MPP7: variants seen among roughly 807,000 people sequenced by gnomAD.
The protein encoded by MPP7 is MAGUK p55 subfamily member 7.
MPP7 carries 60 observed loss-of-function variants against 76.5 expected under a neutral mutation model. That is an observed-to-expected ratio of 0.78 (90% CI 0.64 to 0.97). The LOEUF (loss-of-function observed/expected upper bound fraction) is 0.97. Among genes scored for constraint, MPP7 ranks in the 50% least tolerant of loss-of-function variants. The probability of loss-of-function intolerance (pLI) is 0.00; values close to 1 mark genes in which losing one functional copy is unlikely to be tolerated. For synonymous variants in MPP7, 237 were observed against 244.5 expected, an observed-to-expected ratio of 0.97 and a Z score of 0.29; for missense variants, 641 against 694.0, an observed-to-expected ratio of 0.92 and a Z score of 0.86.
intron 11 of MPP7, among the ~76,000 whole-genome samples, chr10:28,107,728 A>G (rs550897634): frequency 2.0e-5 from 3 of 152,160 alleles, no homozygotes; most frequent in Non-Finnish European, 4.4e-5. Context: ...CACCCACCTG[A>G]GCACCCCCAA....
At chr10:28,082,757 C>T (rs1380667648) in intron 12 of MPP7, among the ~76,000 whole-genome samples, 1 of 152,180 alleles carries the variant, frequency 6.6e-6, no homozygotes, top group East Asian at 1.9e-4. Context: ...GTGTGAGTCA[C>T]TGCGCTCAGT....
chr10:28,312,134 G>A (rs754536029), intron 2 of MPP7, among the ~76,000 whole-genome samples: 1 of 152,132 alleles, frequency 6.6e-6, no homozygotes, highest in Non-Finnish European at 1.5e-5. Context: ...CTTCCACAGC[G>A]TGAAAGGGTA....
At chr10:28,199,771 T>TAAATAATTTAGTATGCATAATA (rs1271479525) in intron 3 of MPP7, among the ~76,000 whole-genome samples, 2 of 151,940 alleles carry the variant, frequency 1.3e-5, no homozygotes, top group African/African-American at 4.8e-5. Flanking sequence ...TATGCCTGGC[T>TAAATAATTTAGTATGCATAATA]AATTTTTAAT....
chr10:28,079,115 A>G (rs1852638073), intron 12 of MPP7, among the ~76,000 whole-genome samples: 1 of 152,210 alleles, frequency 6.6e-6, no homozygotes. Context: ...TATGAGACGT[A>G]GGGTATTTTC....
chr10:28,133,005 T>C (rs1258783064), intron 5 of MPP7, among the ~76,000 whole-genome samples: 3 of 151,630 alleles, frequency 2.0e-5, no homozygotes, highest in African/African-American at 7.3e-5. Flanking sequence ...CAAGTTTTAC[T>C]GGAACACAGG....
intron 1 of MPP7, chr10:28,289,281 A>AC (rs1840857003): frequency 6.7e-6 from 1 of 150,344 alleles, no homozygotes; most frequent in African/African-American, 2.5e-5. Flanking sequence ...AGCCTGGGCA[A>AC]CAGAGCCAGA....
chr10:28,173,782 G>C (rs1256805743), intron 3 of MPP7, among the ~76,000 whole-genome samples: 1 of 152,182 alleles, frequency 6.6e-6, no homozygotes, highest in African/African-American at 2.4e-5. Context: ...GAGAAAATTA[G>C]AAAGTGTTAC....
chr10:28,067,784 A>C (rs1852050259), intron 13 of MPP7, among the ~76,000 whole-genome samples: 1 of 152,222 alleles, frequency 6.6e-6, no homozygotes, highest in Non-Finnish European at 1.5e-5. Flanking sequence ...AGTTTTGACT[A>C]CTTACTGGAA....
At chr10:28,258,598 C>T (rs1335387502) in intron 1 of MPP7, among the ~76,000 whole-genome samples, 1 of 151,686 alleles carries the variant, frequency 6.6e-6, no homozygotes, top group Non-Finnish European at 1.5e-5. Flanking sequence ...CAGGGTTTCA[C>T]CATGTTCACC....
chr10:28,086,237 T>C (rs1853003129), intron 12 of MPP7, among the ~76,000 whole-genome samples: 1 of 152,154 alleles, frequency 6.6e-6, no homozygotes, highest in Non-Finnish European at 1.5e-5. Context: ...AACCACCATA[T>C]GGCACATGTA....
At chr10:28,110,689 CTT>C (rs1834479672) in intron 11 of MPP7, among the ~76,000 whole-genome samples, 1 of 152,128 alleles carries the variant, frequency 6.6e-6, no homozygotes, top group Non-Finnish European at 1.5e-5. Context: ...ATCTTAAAAA[CTT>C]TATTTAAGTA....
At chr10:28,315,138 G>A (rs1478963430) in intron 2 of MPP7, among the ~76,000 whole-genome samples, 2 of 150,462 alleles carry the variant, frequency 1.3e-5, no homozygotes, top group African/African-American at 4.9e-5. Flanking sequence ...ACAGCCTGGA[G>A]ACCCTGTGAA....
chr10:28,188,262 A>C (rs1333030340), intron 3 of MPP7, among the ~76,000 whole-genome samples: 4 of 152,200 alleles, frequency 2.6e-5, no homozygotes, highest in Non-Finnish European at 5.9e-5. Flanking sequence ...ACAAGACTTC[A>C]GGGCATTTTT....
At chr10:28,262,261 A>G (rs182494654) in intron 1 of MPP7, among the ~76,000 whole-genome samples, 734 of 15,564 alleles carry the variant, frequency 0.047, 41 homozygotes, top group Non-Finnish European at 0.065. Flanking sequence ...ATATATATGT[A>G]TATATATATA....
intron 1 of MPP7, among the ~76,000 whole-genome samples, chr10:28,290,515 C>T (rs1015329530): frequency 3.9e-5 from 6 of 152,114 alleles, no homozygotes; most frequent in African/African-American, 1.4e-4. Context: ...TTTTGTTGCG[C>T]AGGCTGGAGT....
chr10:28,235,072 A>G lies in MPP7; in HGVS notation c.37+3496T>C, dbSNP rs1235419422. Among the ~76,000 whole-genome samples, 3 of 152,224 alleles carry G rather than the reference A, an allele frequency of 2.0e-5. No homozygotes were observed. The East Asian group carries it at 5.8e-4, about 29-fold the overall frequency. Reference sequence around the variant, plus strand: ...AGATCCACCCACCTCAGCCTCCCGAAGTGCTGGGATTAAGGTGTCAGCCAC... The same window carrying G: ...AGATCCACCCACCTCAGCCTCCCGAGGTGCTGGGATTAAGGTGTCAGCCAC... On this transcript the variant is annotated intron_variant, in intron 2 of 16. Coordinates refer to ENST00000683449, the MANE Select transcript of MPP7 (RefSeq NM_001318170.2).
intron 14 of MPP7, among the ~76,000 whole-genome samples, chr10:28,059,006 T>C (rs1851672504): frequency 6.6e-6 from 1 of 152,192 alleles, no homozygotes; most frequent in African/African-American, 2.4e-5. Flanking sequence ...TGGTGGCTAA[T>C]GGAGCCAGGG....
intron 3 of MPP7, among the ~76,000 whole-genome samples, chr10:28,166,675 G>A (rs561843261): frequency 1.3e-5 from 2 of 152,096 alleles, no homozygotes; most frequent in African/African-American, 4.8e-5. Context: ...CCAAAGTGCT[G>A]GGATTACAGG....
intron 15 of MPP7, chr10:28,057,678 C>T: frequency 8.9e-7 from 1 of 1,117,678 alleles, no homozygotes; most frequent in Non-Finnish European, 1.1e-6. Flanking sequence ...AGCAGTGCAA[C>T]AAGGGACTAA....
Sources: allele counts gnomAD v4.1 joint callset (sites outside exome capture counted in the v4.1 genomes callset), GRCh38; gene constraint gnomAD v4.1.1; transcripts MANE v1.5; gene names NCBI Gene and HGNC (gene_info 2026-07-23, HGNC 2026-07-21).